PRKAG2: variants seen among roughly 807,000 people sequenced by gnomAD.
PRKAG2 encodes the protein 5'-AMP-activated protein kinase subunit gamma-2.
In PRKAG2, 26 loss-of-function variants were observed where a neutral mutation model predicts 69.6. The ratio of observed to expected loss-of-function variants is 0.37; its 90% confidence interval spans 0.27 to 0.52. The LOEUF is 0.52. Ranked by LOEUF, PRKAG2 falls within the 20% of genes least tolerant of loss-of-function variation. PRKAG2 has a pLI of 0.90. For synonymous variants in PRKAG2, 293 were observed against 285.0 expected, an observed-to-expected ratio of 1.03 and a Z score of -0.28; for missense variants, 557 against 740.0, an observed-to-expected ratio of 0.75 and a Z score of 2.87.
intron 3 of PRKAG2, among the ~76,000 whole-genome samples, chr7:151,764,538 C>T (rs549999603): frequency 6.6e-6 from 1 of 152,360 alleles, no homozygotes; most frequent in East Asian, 1.9e-4. Flanking sequence ...GAGCTCTCCA[C>T]CTGTCAGACG....
intron 1 of PRKAG2, among the ~76,000 whole-genome samples, chr7:151,867,097 G>C (rs2080098517): frequency 6.6e-6 from 1 of 152,210 alleles, no homozygotes; most frequent in South Asian, 2.1e-4. Flanking sequence ...GAGTGTCAAA[G>C]TGCTGTGGGC....
At chr7:151,725,648 C>A (rs1797822620) in intron 3 of PRKAG2, among the ~76,000 whole-genome samples, 1 of 151,748 alleles carries the variant, frequency 6.6e-6, no homozygotes. Context: ...AAAACCTAGG[C>A]AAAAATACAA....
At chr7:151,793,403 A>G (rs1458082305) in intron 1 of PRKAG2, among the ~76,000 whole-genome samples, 2 of 152,032 alleles carry the variant, frequency 1.3e-5, no homozygotes, top group Non-Finnish European at 2.9e-5. Flanking sequence ...TTAGGTTCTA[A>G]CCCTTAAGGT....
intron 3 of PRKAG2, among the ~76,000 whole-genome samples, chr7:151,738,396 GGAGC>G (rs1256975690): frequency 6.6e-6 from 1 of 152,232 alleles, no homozygotes; most frequent in Non-Finnish European, 1.5e-5. Flanking sequence ...GCCTCTGTTG[GGAGC>G]AAGCCCCCCA....
In PRKAG2 at chr7:151,722,593, G is replaced by A. The variant is rs185110113; in HGVS notation, c.467-46956C>T. ...TGCTAGACTTTAGCAGGTGAGTGGCGGGGGTAGGATCCTGTCTATTCTCCA... is the reference window on the plus strand; with the variant it reads ...TGCTAGACTTTAGCAGGTGAGTGGCAGGGGTAGGATCCTGTCTATTCTCCA... On this transcript the variant is annotated intron_variant, in intron 3 of 15. Coordinates refer to ENST00000287878, the MANE Select transcript of PRKAG2 (RefSeq NM_016203.4). Among the ~76,000 whole-genome samples, 140 of 152,172 alleles carry A rather than the reference G, an allele frequency of 9.2e-4. 1 individual carries two copies. The highest frequency in any genetic ancestry group is 3.1e-3 in the African/African-American group (129 of 41,526).
At chr7:151,569,286 T>C (rs547073609) in intron 10 of PRKAG2, among the ~76,000 whole-genome samples, 1 of 152,362 alleles carries the variant, frequency 6.6e-6, no homozygotes, top group East Asian at 1.9e-4. Flanking sequence ...CCACCCACCA[T>C]GGCCTCCCAT....
In PRKAG2 at chr7:151,576,361, C is replaced by T. The variant is rs1808923094; in HGVS notation, c.946+10G>A. ...CCATTTTCGATTTTCCTCAGGCCCA[C>T]ACTGCTTACCTACAAAACTTTGTTT... On this transcript the variant is annotated intron_variant, in intron 7 of 15. Coordinates refer to ENST00000287878, the MANE Select transcript of PRKAG2 (RefSeq NM_016203.4). 2 of 1,584,724 alleles carry T rather than the reference C, an allele frequency of 1.3e-6. No individual in the cohort carries two copies. The highest frequency in any genetic ancestry group is 1.1e-5 in the South Asian group (1 of 90,206).
intron 3 of PRKAG2, among the ~76,000 whole-genome samples, chr7:151,716,451 C>T (rs1465110677): frequency 1.3e-5 from 2 of 152,314 alleles, no homozygotes; most frequent in East Asian, 3.9e-4. Context: ...AGCAAGCCCA[C>T]CTTGTCCAGG....
intron 1 of PRKAG2, among the ~76,000 whole-genome samples, chr7:151,847,993 A>G (rs895889151): frequency 1.3e-5 from 2 of 152,218 alleles, no homozygotes; most frequent in Non-Finnish European, 2.9e-5. Context: ...GCTTTTCTAA[A>G]GAGTCAGTTG....
intron 6 of PRKAG2, among the ~76,000 whole-genome samples, chr7:151,590,402 T>C (rs971504624): frequency 6.6e-6 from 1 of 152,316 alleles, no homozygotes; most frequent in East Asian, 1.9e-4. Context: ...ATTGGTGGCA[T>C]CACCAGGTTT....
At chr7:151,863,035 G>A (rs2079974312) in intron 1 of PRKAG2, among the ~76,000 whole-genome samples, 2 of 147,064 alleles carry the variant, frequency 1.4e-5, no homozygotes, top group African/African-American at 4.9e-5. Context: ...GGGGGCACTT[G>A]TAGGTCCTGG....
intron 3 of PRKAG2, among the ~76,000 whole-genome samples, chr7:151,712,116 C>T (rs915335740): frequency 4.6e-5 from 7 of 152,244 alleles, no homozygotes; most frequent in South Asian, 2.1e-4. Flanking sequence ...CCTTCCTCCG[C>T]GGCGCGTACG....
At chr7:151,693,437 C>T (rs1470900527) in intron 3 of PRKAG2, among the ~76,000 whole-genome samples, 1 of 152,220 alleles carries the variant, frequency 6.6e-6, no homozygotes, top group East Asian at 1.9e-4. Context: ...GGCCCATCAC[C>T]TCCCCGGGCC....
intron 3 of PRKAG2, among the ~76,000 whole-genome samples, chr7:151,689,630 C>T (rs115690463): frequency 0.039 from 5,878 of 152,246 alleles, 137 homozygotes; most frequent in Middle Eastern, 0.052. Context: ...CGCCAGGTCT[C>T]CCAGGAGGCC....
intron 3 of PRKAG2, among the ~76,000 whole-genome samples, chr7:151,773,494 T>G (rs2076189564): frequency 6.6e-6 from 1 of 152,232 alleles, no homozygotes; most frequent in Non-Finnish European, 1.5e-5. Context: ...TAAGCCCTCG[T>G]GCCTCAGTTT....
chr7:151,649,513 GA>G (rs1828111295), intron 4 of PRKAG2, among the ~76,000 whole-genome samples: 2 of 152,148 alleles, frequency 1.3e-5, no homozygotes, highest in Admixed American at 6.5e-5. Flanking sequence ...ATATGGTTTG[GA>G]TCTGTGTCCC....
At chr7:151,621,737 T>C (rs1328239821) in intron 5 of PRKAG2, among the ~76,000 whole-genome samples, 1 of 151,802 alleles carries the variant, frequency 6.6e-6, no homozygotes, top group East Asian at 1.9e-4. Flanking sequence ...CACACCCGGA[T>C]AGTTTTTGTA....
At chr7:151,709,644 CATGAT>C (rs761011780) in intron 3 of PRKAG2, among the ~76,000 whole-genome samples, 107 of 152,216 alleles carry the variant, frequency 7.0e-4, no homozygotes, top group Non-Finnish European at 1.0e-3. Flanking sequence ...CTGTCAGTGA[CATGAT>C]ATATGTGACA....
Position 151,780,859 on chromosome 7 carries a change from A to G in PRKAG2, c.466+293T>C, listed in dbSNP as rs1316109930. ...AGGCAAGTGTGTCATCTGATTGTCC[A>G]TACAAGCTGTACTGTGAGTATCAGG... On this transcript the variant is annotated intron_variant, in intron 3 of 15. Coordinates refer to ENST00000287878, the MANE Select transcript of PRKAG2 (RefSeq NM_016203.4). This position sits in a 1 kb window ranked among gnomAD's most constrained non-coding sequence, Gnocchi z 4.2. 6.6e-6 allele frequency among the ~76,000 whole-genome samples: 1 copy of G among 152,220 alleles called. No homozygotes were observed. Among genetic ancestry groups the G allele is most frequent in the Non-Finnish European group, 1.5e-5 (1 of 68,042 alleles).
Sources: allele counts gnomAD v4.1 joint callset (sites outside exome capture counted in the v4.1 genomes callset), GRCh38; gene constraint gnomAD v4.1.1; non-coding constraint Gnocchi (gnomAD v3.1); transcripts MANE v1.5; gene names NCBI Gene and HGNC (gene_info 2026-07-23, HGNC 2026-07-21).